The following FARP2 variants were observed in gnomAD, a reference collection of about 807,000 sequenced individuals.
FARP2 encodes FERM, ARH/RhoGEF and pleckstrin domain protein 2.
A neutral mutation model predicts 130.5 loss-of-function variants in FARP2; 111 were observed. The observed-to-expected ratio is 0.85, with a 90% CI of 0.73 to 1.00. The LOEUF (loss-of-function observed/expected upper bound fraction) is 1.00. FARP2 is among the 50% of genes least tolerant of loss of function. The pLI is 0.00. For missense variants in FARP2, 1,385 were observed against 1,346.3 expected, an observed-to-expected ratio of 1.03 and a Z score of -0.45; for synonymous variants, 504 against 516.9, an observed-to-expected ratio of 0.98 and a Z score of 0.34.
chr2:241,402,843 TA>T, intron 2 of FARP2, among the ~76,000 whole-genome samples: 1 of 6,454 alleles, frequency 1.5e-4, no homozygotes, highest in Non-Finnish European at 3.6e-4. Context: ...AATTTATATA[TA>T]TATATATATA....
At chr2:241,447,524 C>T (rs935793196) in intron 13 of FARP2, among the ~76,000 whole-genome samples, 2 of 152,164 alleles carry the variant, frequency 1.3e-5, no homozygotes, top group Admixed American at 6.5e-5. Flanking sequence ...GCACTTTTAC[C>T]GTGCACAGAA....
At chr2:241,469,322 T>C (rs902225776) in intron 18 of FARP2, among the ~76,000 whole-genome samples, 3 of 152,146 alleles carry the variant, frequency 2.0e-5, no homozygotes, top group African/African-American at 7.2e-5. Flanking sequence ...CCTGACCTCG[T>C]GATCCGCCTG....
intron 2 of FARP2, among the ~76,000 whole-genome samples, chr2:241,392,913 A>C (rs1193233264): frequency 1.3e-5 from 2 of 151,504 alleles, no homozygotes; most frequent in Non-Finnish European, 2.9e-5. Flanking sequence ...ACTACACTCC[A>C]GCCTGGGCAA....
At chr2:241,367,746 A>T (rs1385044027) in intron 1 of FARP2, among the ~76,000 whole-genome samples, 1 of 152,010 alleles carries the variant, frequency 6.6e-6, no homozygotes, top group Non-Finnish European at 1.5e-5. Context: ...GTTACTGTGG[A>T]TGGTGGACTA....
At chr2:241,471,370 G>A (rs1276387548) in intron 18 of FARP2, 1 of 151,508 alleles carries the variant, frequency 6.6e-6, no homozygotes, top group Non-Finnish European at 1.5e-5. Context: ...CTGTTCTGTG[G>A]AAACCCTGTT....
chr2:241,463,687 C>A, intron 16 of FARP2: 1 of 682,006 alleles, frequency 1.5e-6, no homozygotes, highest in Non-Finnish European at 2.4e-6. Flanking sequence ...TGGAAGATCC[C>A]TTTTTGCCTG....
intron 8 of FARP2, among the ~76,000 whole-genome samples, chr2:241,419,969 G>A (rs2062765278): frequency 6.6e-6 from 1 of 152,128 alleles, no homozygotes; most frequent in Admixed American, 6.6e-5. Flanking sequence ...GAGCAACATG[G>A]AGAAACCTCA....
At chr2:241,458,035 C>A (rs2063910257) in intron 14 of FARP2, among the ~76,000 whole-genome samples, 1 of 152,124 alleles carries the variant, frequency 6.6e-6, no homozygotes, top group Non-Finnish European at 1.5e-5. Flanking sequence ...GAGAAAGTGA[C>A]CGAGCAGAGA....
At chr2:241,374,300 C>T (rs944325292) in intron 2 of FARP2, among the ~76,000 whole-genome samples, 3 of 152,128 alleles carry the variant, frequency 2.0e-5, no homozygotes, top group Admixed American at 2.0e-4. Flanking sequence ...TGTAAGCCAC[C>T]GTGCCCAGCC....
intron 2 of FARP2, among the ~76,000 whole-genome samples, chr2:241,400,751 G>C (rs138408543): frequency 6.6e-6 from 1 of 152,308 alleles, no homozygotes; most frequent in East Asian, 1.9e-4. Flanking sequence ...GACTCAGGGA[G>C]AGTCATGAGG....
chr2:241,425,634 TAA>T (rs1167925220), intron 8 of FARP2, among the ~76,000 whole-genome samples: 603 of 45,950 alleles, frequency 0.013, 2 homozygotes, highest in South Asian at 0.1. Context: ...TCCTACCAAG[TAA>T]AAAAAAAAAA....
intron 13 of FARP2, among the ~76,000 whole-genome samples, chr2:241,449,185 C>T (rs1276789376): frequency 3.3e-5 from 5 of 152,050 alleles, no homozygotes; most frequent in East Asian, 1.9e-4. Flanking sequence ...TTTGGCCGGG[C>T]GCGGTGGCTC....
At chr2:241,447,440 G>A (rs1208521831) in intron 13 of FARP2, among the ~76,000 whole-genome samples, 3 of 152,176 alleles carry the variant, frequency 2.0e-5, no homozygotes, top group East Asian at 1.9e-4. Flanking sequence ...TGGCCTGCAC[G>A]GCAGAGCTGG....
chr2:241,445,108 T>A (rs1038404558), intron 13 of FARP2: 1 of 151,994 alleles, frequency 6.6e-6, no homozygotes, highest in Non-Finnish European at 1.5e-5. Context: ...TTTTAAAAAA[T>A]TTTTGTGGAG....
At chr2:241,462,765 C>G (rs2064058672) in intron 15 of FARP2, among the ~76,000 whole-genome samples, 153 bp downstream of exon 15, 1 of 152,104 alleles carries the variant, frequency 6.6e-6, no homozygotes, top group African/African-American at 2.4e-5. Flanking sequence ...TCTCAGCTCA[C>G]TGCAACCTCC....
chr2:241,489,433 G>A (rs140601953), intron 21 of FARP2: 1,780 of 152,778 alleles, frequency 0.012, 13 homozygotes, highest in South Asian at 0.021. Flanking sequence ...TAGGATGAAT[G>A]TTATCAATCA....
In FARP2 at chr2:241,456,923, G is replaced by A; in HGVS notation, c.1587+1G>A. 1 of 1,587,606 alleles carries A rather than the reference G, an allele frequency of 6.3e-7. No homozygotes were observed. The highest frequency in any genetic ancestry group is 1.1e-5 in the South Asian group (1 of 88,092). ...GGACTGCGAGGAGCCCAGACACAAG[G>A]TGGGCCCCTCGAGGCTGAGAAGCTA... On this transcript the variant is annotated splice_donor_variant, in intron 14 of 26. Transcript: ENST00000264042. LOFTEE classifies it high-confidence loss of function.
chr2:241,435,127 T>G lies in FARP2; in HGVS notation c.1100+97T>G, dbSNP rs2063192805. 1.0e-5 allele frequency: 7 copies of G among 669,376 alleles called. No individual in the cohort carries two copies. In the South Asian group the frequency reaches 1.6e-4, roughly 15 times the overall value. 41.5% of individuals were successfully genotyped at this position (669,376 alleles called of 1,614,324 possible). ...AGCGAAAAGAGAGACTGAGTCTTGC[T>G]CCGTCACCTAAGCTGGAATACAGTG... On this transcript the variant is annotated intron_variant, in intron 11 of 26. Transcript: ENST00000264042.
At chr2:241,408,787 G>C (rs2062433080) in intron 5 of FARP2, among the ~76,000 whole-genome samples, 1 of 152,134 alleles carries the variant, frequency 6.6e-6, no homozygotes, top group African/African-American at 2.4e-5. Context: ...GATGTCTTAT[G>C]AACTCTCTTT....
Sources: gnomAD v4.1 joint callset for allele counts (sites outside exome capture counted in the v4.1 genomes callset) on GRCh38, gnomAD v4.1.1 for gene constraint, MANE v1.5 for transcripts, NCBI Gene and HGNC (gene_info 2026-07-23, HGNC 2026-07-21) for gene names.